TET1: variants seen among roughly 807,000 people sequenced by gnomAD.
TET1 encodes the protein methylcytosine dioxygenase TET1.
Under a neutral mutation model 148.7 loss-of-function variants are expected in TET1, and 13 were observed. That is an observed-to-expected ratio of 0.09 (90% CI 0.06 to 0.14). The LOEUF is 0.14. Among genes scored for constraint, TET1 ranks in the 10% least tolerant of loss-of-function variants. The probability of loss-of-function intolerance (pLI) is 1.00; values close to 1 mark genes in which losing one functional copy is unlikely to be tolerated. For missense variants in TET1, 2,182 were observed against 2,553.8 expected (o/e 0.85, Z 3.14); for synonymous variants, 907 against 937.2 (o/e 0.97, Z 0.59).
chr10:68,562,078 C>G (rs2053560917), intron 1 of TET1, among the ~76,000 whole-genome samples: 4 of 152,094 alleles, frequency 2.6e-5, no homozygotes, highest in Admixed American at 2.6e-4. Context: ...TGCTGCAAGA[C>G]CTTGGAGCGA....
rs59106736 is a variant in TET1 at position 68,638,765 on chromosome 10, TTGTGTGTGTGTGTGTGTGTGTGTGTG to T, written c.1969-5912_1969-5887del. ...ACAGGAAATACTGCATGTATGGAGT[TTGTGTGTGTGTGTGTGTGTGTGTGTG>T]TGTGTGTGTGTGTGTGTGTGGTGGA... is the stretch of plus-strand genomic sequence containing the variant. On this transcript the variant is annotated intron_variant, in intron 3 of 11. Transcript: ENST00000373644. Among the ~76,000 whole-genome samples, 111 of 140,910 alleles carry T rather than the reference TTGTGTGTGTGTGTGTGTGTGTGTGTG, an allele frequency of 7.9e-4. 1 individual carries two copies. In the Admixed American group the frequency reaches 7.9e-3, roughly 10 times the overall value. 92.4% of individuals were successfully genotyped at this position (140,910 alleles called of 152,430 possible).
At chr10:68,657,048 A>C (rs2055033256) in intron 6 of TET1, among the ~76,000 whole-genome samples, 1 of 140,568 alleles carries the variant, frequency 7.1e-6, no homozygotes, top group African/African-American at 2.7e-5. Context: ...AAAATTTCCC[A>C]TTTGGGTGCG....
rs1250802854 is a variant in TET1, at chr10:68,587,140, T to C, written c.1914+12888T>C. Among the ~76,000 whole-genome samples, 3 of 152,218 alleles carry C rather than the reference T, an allele frequency of 2.0e-5. No homozygotes were observed. In the East Asian group the frequency reaches 5.8e-4, roughly 29 times the overall value. On this transcript the variant is annotated intron_variant, in intron 2 of 11. Coordinates refer to ENST00000373644, the MANE Select transcript of TET1 (RefSeq NM_030625.3). ...GCGAGATGACTATGCCGCAGTTATTTTCTTGTGCTTGTATAATGAGAGGGT... is the reference window on the plus strand; with the variant it reads ...GCGAGATGACTATGCCGCAGTTATTCTCTTGTGCTTGTATAATGAGAGGGT...
intron 3 of TET1, among the ~76,000 whole-genome samples, chr10:68,619,998 G>C (rs1271425792): frequency 6.6e-6 from 1 of 152,060 alleles, no homozygotes; most frequent in African/African-American, 2.4e-5. Flanking sequence ...TTCAAGACCA[G>C]CCTGGCCAAT....
intron 8 of TET1, among the ~76,000 whole-genome samples, chr10:68,678,707 A>T (rs760151531): frequency 3.4e-4 from 51 of 151,764 alleles, no homozygotes; most frequent in Non-Finnish European, 6.5e-4. Context: ...CTGAGATCGC[A>T]CCACTGCACC....
intron 6 of TET1, among the ~76,000 whole-genome samples, chr10:68,661,499 TTC>T (rs1011929276): frequency 6.6e-6 from 1 of 151,598 alleles, no homozygotes; most frequent in African/African-American, 2.4e-5. Flanking sequence ...TGTGAAAATT[TTC>T]TGTTTTTTGA....
At chr10:68,612,421 C>T (rs879497537) in intron 3 of TET1, among the ~76,000 whole-genome samples, 1 of 151,914 alleles carries the variant, frequency 6.6e-6, no homozygotes. Context: ...TCAGCAGGTA[C>T]TAGGACCCAA....
intron 5 of TET1, 84 bp from the exon 6 acceptor site, chr10:68,652,417 A>T: frequency 1.2e-6 from 1 of 863,868 alleles, no homozygotes. Flanking sequence ...TATATCTTAT[A>T]TACATTAAGA....
intron 3 of TET1, among the ~76,000 whole-genome samples, chr10:68,607,583 C>T (rs903210907): frequency 1.3e-5 from 2 of 151,692 alleles, no homozygotes; most frequent in Non-Finnish European, 2.9e-5. Context: ...CAGGCACACA[C>T]CACCATGCCC....
intron 1 of TET1, among the ~76,000 whole-genome samples, chr10:68,563,363 A>C (rs1160410122): frequency 1.3e-5 from 2 of 152,216 alleles, no homozygotes; most frequent in East Asian, 3.8e-4. Flanking sequence ...TGCTGGAGGA[A>C]ACTGAGCCAG....
intron 2 of TET1, among the ~76,000 whole-genome samples, chr10:68,584,980 C>T (rs546804683): frequency 1.5e-3 from 225 of 151,818 alleles, no homozygotes; most frequent in African/African-American, 5.2e-3. Context: ...GCCACCATGC[C>T]CAGCTAATTT....
intron 3 of TET1, among the ~76,000 whole-genome samples, chr10:68,625,039 TTCTTAC>T (rs1393191154): frequency 6.6e-6 from 1 of 152,160 alleles, no homozygotes; most frequent in Non-Finnish European, 1.5e-5. Context: ...CGGCTTCTTT[TTCTTAC>T]TGTATGTTCT....
rs771394399 is a variant in TET1, at chr10:68,690,831, C to T, written c.5428C>T (p.Pro1810Ser). 2 of 1,610,104 alleles carry T rather than the reference C, an allele frequency of 1.2e-6. No homozygotes were observed. Among genetic ancestry groups the T allele is most frequent in the East Asian group, 2.2e-5 (1 of 44,804 alleles). The change falls in exon 12 of 12, where the codon CCT (proline) becomes TCT (serine). Residue 1810 changes from proline to serine, a missense_variant. This residue lies in a region of TET1 where 380 missense variants were observed against 387.9 expected (regional missense o/e 0.98). Coordinates refer to ENST00000373644, the MANE Select transcript of TET1 (RefSeq NM_030625.3). ...TLGSNTETVQ[P>S]EVKSETEPHF... Reference sequence around the variant, plus strand: ...AGGGAGTAACACTGAGACCGTGCAACCTGAAGTAAAAAGTGAAACCGAACC... The same window carrying T: ...AGGGAGTAACACTGAGACCGTGCAATCTGAAGTAAAAAGTGAAACCGAACC...
intron 1 of TET1, among the ~76,000 whole-genome samples, chr10:68,563,454 T>C (rs1341224559): frequency 2.6e-5 from 4 of 152,252 alleles, no homozygotes; most frequent in Admixed American, 2.6e-4. Context: ...TAGAGCTGAA[T>C]GGAGGGACTA....
chr10:68,685,762 A>T (rs1327226805), intron 10 of TET1, among the ~76,000 whole-genome samples: 1 of 152,162 alleles, frequency 6.6e-6, no homozygotes, highest in East Asian at 1.9e-4. Context: ...ATCCAAAGAA[A>T]GGCAAATTTA....
At chr10:68,640,613 G>A (rs1206689489) in intron 3 of TET1, among the ~76,000 whole-genome samples, 24 of 115,150 alleles carry the variant, frequency 2.1e-4, no homozygotes, top group Non-Finnish European at 3.5e-4. Context: ...GTGCAGTGGC[G>A]CTATCTAGGC....
chr10:68,613,613 T>A (rs574719446), intron 3 of TET1, among the ~76,000 whole-genome samples: 11 of 152,044 alleles, frequency 7.2e-5, no homozygotes, highest in South Asian at 2.1e-4. Context: ...AGTAATGATA[T>A]AATAGAGCAA....
At chr10:68,673,981 G>A (rs1338390196) in intron 8 of TET1, among the ~76,000 whole-genome samples, 10 of 70,802 alleles carry the variant, frequency 1.4e-4, no homozygotes, top group African/African-American at 6.3e-4. Context: ...TTTTTTTTGA[G>A]ACAGAGTTTC....
chr10:68,638,891 G>A (rs1325009193), intron 3 of TET1, among the ~76,000 whole-genome samples: 4 of 151,666 alleles, frequency 2.6e-5, no homozygotes, highest in South Asian at 2.1e-4. Context: ...TTTAGACTGG[G>A]TATAAGATTA....
Sources: gnomAD v4.1 joint callset for allele counts (sites outside exome capture counted in the v4.1 genomes callset) on GRCh38, gnomAD v4.1.1 for gene constraint, gnomAD v4.1.1 regional missense constraint, MANE v1.5 for transcripts, NCBI Gene and HGNC (gene_info 2026-07-23, HGNC 2026-07-21) for gene names.